Variants in RBFOX3 observed in about 807,000 individuals in gnomAD.
The protein encoded by RBFOX3 is RNA binding protein fox-1 homolog 3.
RBFOX3 carries 17 observed loss-of-function variants against 48.7 expected under a neutral mutation model. The ratio of observed to expected loss-of-function variants is 0.35; its 90% CI spans 0.24 to 0.52. RBFOX3 has a LOEUF of 0.52. Among genes scored for constraint, RBFOX3 ranks in the 20% least tolerant of loss-of-function variants. The pLI is 0.94. For synonymous variants in RBFOX3, 212 were observed against 209.5 expected (o/e 1.01, Z -0.10); for missense variants, 382 against 497.5 (o/e 0.77, Z 2.21).
chr17:79,382,535 C>T (rs554373953), intron 2 of RBFOX3, among the ~76,000 whole-genome samples: 11 of 151,594 alleles, frequency 7.3e-5, no homozygotes, highest in Non-Finnish European at 1.0e-4. Context: ...AAGGCTGACA[C>T]GGGCAGGCGG....
intron 1 of RBFOX3, among the ~76,000 whole-genome samples, chr17:79,484,359 C>G (rs1459184709): frequency 6.6e-6 from 1 of 152,212 alleles, no homozygotes; most frequent in African/African-American, 2.4e-5. Context: ...TGGTACAGAG[C>G]CCAGTGCCCA....
chr17:79,115,513 G>T lies in RBFOX3; in HGVS notation c.203C>A (p.Ala68Asp). The T allele has an allele frequency of 7.5e-7, 1 of 1,338,516 alleles. No individual in the cohort carries two copies. The allele number at this position is 1,338,516 out of a possible 1,614,324, so 82.9% of individuals were successfully genotyped here. ...CCTTACCGGCACTGTCTGGGTCCCG[G>T]CGATGGGCTGTGTGCTGGCCTCGGA... Reference protein sequence around the residue: ...PGSEASTQPIAGTQTVPQTDE... With the variant: ...PGSEASTQPIDGTQTVPQTDE... The change falls in exon 5 of 15, where the codon GCC (alanine) becomes GAC (aspartate). Residue 68 changes from alanine to aspartate, a missense_variant. Physicochemically the swap from Ala to Asp is moderately radical, Grantham distance 126. This residue lies in a region of RBFOX3 where 118 missense variants were observed against 132.1 expected (regional missense o/e 0.89). Transcript: ENST00000693108.
intron 3 of RBFOX3, among the ~76,000 whole-genome samples, chr17:79,296,374 T>C (rs2074345260): frequency 6.6e-6 from 1 of 152,102 alleles, no homozygotes; most frequent in South Asian, 2.1e-4. Context: ...CTCATCTCAT[T>C]ACTTAATAAT....
intron 2 of RBFOX3, among the ~76,000 whole-genome samples, chr17:79,415,503 G>A (rs899329404): frequency 2.7e-4 from 41 of 152,318 alleles, no homozygotes; most frequent in African/African-American, 5.8e-4. Context: ...ATTTCAGCAC[G>A]GCAGACGCAG....
chr17:79,518,563 G>T (rs1277953662), intron 1 of RBFOX3, among the ~76,000 whole-genome samples: 1 of 152,374 alleles, frequency 6.6e-6, no homozygotes, highest in East Asian at 1.9e-4. Flanking sequence ...AAGGCTGGGG[G>T]AGCTGGGGCC....
At chr17:79,135,400 C>T (rs2039958162) in intron 4 of RBFOX3, among the ~76,000 whole-genome samples, 1 of 152,226 alleles carries the variant, frequency 6.6e-6, no homozygotes, top group Non-Finnish European at 1.5e-5. Flanking sequence ...TCCAGCAGGA[C>T]ACACCTGCCC....
chr17:79,483,761 G>T (rs1030148438), intron 1 of RBFOX3, among the ~76,000 whole-genome samples: 1 of 151,814 alleles, frequency 6.6e-6, no homozygotes. Flanking sequence ...GGCTCACTCC[G>T]TATTCTTCTG....
chr17:79,561,982 C>T (rs1352425827), intron 1 of RBFOX3, among the ~76,000 whole-genome samples: 1 of 152,202 alleles, frequency 6.6e-6, no homozygotes, highest in South Asian at 2.1e-4. Context: ...ACACAGCTCA[C>T]CTCATGGGGA....
chr17:79,239,420 T>C (rs984158111), intron 3 of RBFOX3, among the ~76,000 whole-genome samples: 7 of 152,198 alleles, frequency 4.6e-5, no homozygotes, highest in Admixed American at 2.6e-4. Context: ...ATCAGGTTCA[T>C]GGAGGAACAC....
the RBFOX3 span, among the ~76,000 whole-genome samples, chr17:79,645,149 G>A: frequency 1.1e-4 from 17 of 152,108 alleles, no homozygotes; most frequent in African/African-American, 4.1e-4. Flanking sequence ...CTGGGCCATC[G>A]TGAAGCCCCC....
In RBFOX3 at chr17:79,243,123, A is replaced by G. The variant is rs2062632153; in HGVS notation, c.-73-7318T>C. 6.6e-6 allele frequency among the ~76,000 whole-genome samples: 1 copy of G among 152,160 alleles called. No individual in the cohort carries two copies. On this transcript the variant is annotated intron_variant, in intron 3 of 14. Coordinates refer to ENST00000693108, the MANE Select transcript of RBFOX3 (RefSeq NM_001350451.2). The surrounding 1 kb of genome is among the most constrained non-coding windows in gnomAD (Gnocchi z 7.9). The stretch of plus-strand genomic sequence containing the variant: ...GTACTATGATCACTTCCAGTTTCCA[A>G]ACATCAAATCTGAAGCTTGGGGAAG...
At chr17:79,395,595 C>T (rs1252447395) in intron 2 of RBFOX3, among the ~76,000 whole-genome samples, 4 of 152,220 alleles carry the variant, frequency 2.6e-5, no homozygotes, top group Non-Finnish European at 5.9e-5. Context: ...TGACAGCTGG[C>T]GCCCGCCTGG....
At chr17:79,092,726 A>C in intron 14 of RBFOX3, 3 of 723,198 alleles carry the variant, frequency 4.1e-6, no homozygotes, top group Non-Finnish European at 5.1e-6. Flanking sequence ...AAAAGGAAAA[A>C]CAAAAAGAGA....
intron 1 of RBFOX3, among the ~76,000 whole-genome samples, chr17:79,515,229 G>A (rs1269648291): frequency 6.6e-6 from 1 of 152,194 alleles, no homozygotes; most frequent in Non-Finnish European, 1.5e-5. Context: ...CTGCTCTGGT[G>A]AAGCCCTGTG....
chr17:79,606,020 CCT>C (rs1555806844), intron 1 of RBFOX3, among the ~76,000 whole-genome samples: 2 of 152,226 alleles, frequency 1.3e-5, no homozygotes, highest in East Asian at 1.9e-4. Context: ...CCCCCTATCC[CCT>C]GACTGCAGAG....
rs182795079 is a variant in RBFOX3, at chr17:79,261,505, C to T, written c.-73-25700G>A. On this transcript the variant is annotated intron_variant, in intron 3 of 14. Transcript: ENST00000693108. ...GTGGAGGCGCTGTACTGCCACAGTC[C>T]CCCAGGAGCCTCCCAGGCCTGTGCG... Among the ~76,000 whole-genome samples, 471 of 152,356 alleles carry T rather than the reference C, an allele frequency of 3.1e-3. 5 individuals are homozygous for T. The highest frequency in any genetic ancestry group is 0.01 in the African/African-American group (436 of 41,574).
At chr17:79,349,257 T>A (rs1330071899) in intron 2 of RBFOX3, among the ~76,000 whole-genome samples, 1 of 152,050 alleles carries the variant, frequency 6.6e-6, no homozygotes, top group Non-Finnish European at 1.5e-5. Flanking sequence ...AGCTGTGGGC[T>A]GCGGGGCCAG....
intron 1 of RBFOX3, among the ~76,000 whole-genome samples, chr17:79,522,678 C>T (rs2086268799): frequency 6.6e-6 from 1 of 151,916 alleles, no homozygotes. Flanking sequence ...GCCTGTAAAC[C>T]CAGCACTTTG....
chr17:79,328,229 G>T (rs1480269587), intron 2 of RBFOX3, among the ~76,000 whole-genome samples: 1 of 152,186 alleles, frequency 6.6e-6, no homozygotes, highest in Non-Finnish European at 1.5e-5. Context: ...AGGCTGGATT[G>T]GGGAGCAGGG....
Sources: allele counts gnomAD v4.1 joint callset (sites outside exome capture counted in the v4.1 genomes callset), GRCh38; gene constraint gnomAD v4.1.1; regional missense constraint gnomAD v4.1.1; non-coding constraint Gnocchi (gnomAD v3.1); transcripts MANE v1.5; gene names NCBI Gene and HGNC (gene_info 2026-07-23, HGNC 2026-07-21).